TMTC2: variants seen among roughly 807,000 people sequenced by gnomAD.
TMTC2 encodes the protein transmembrane O-mannosyltransferase targeting cadherins 2.
Under a neutral mutation model 82.4 loss-of-function variants are expected in TMTC2, and 43 were observed. That is an observed-to-expected ratio of 0.52 (90% CI 0.41 to 0.67). The LOEUF (loss-of-function observed/expected upper bound fraction) is 0.67, where lower values mean the gene tolerates loss of function less well. Among genes scored for constraint, TMTC2 ranks in the 30% least tolerant of loss-of-function variants. The probability of loss-of-function intolerance (pLI) is 0.00; values close to 1 mark genes in which losing one functional copy is unlikely to be tolerated. For synonymous variants in TMTC2, 408 were observed against 381.9 expected (o/e 1.07, Z -0.80); for missense variants, 919 against 1,012.4 (o/e 0.91, Z 1.25).
Position 82,713,434 on chromosome 12 carries a change from T to C in TMTC2, c.83+25765T>C, listed in dbSNP as rs566628052. 2.3e-3 allele frequency among the ~76,000 whole-genome samples: 353 copies of C among 152,314 alleles called. 4 individuals carry two copies. Among genetic ancestry groups the C allele is most frequent in the African/African-American group, 7.8e-3 (326 of 41,574 alleles). On this transcript the variant is annotated intron_variant, in intron 1 of 11. Transcript: ENST00000321196. Reference sequence around the variant, plus strand: ...TTGCTGATAAAGATGTACCAGAGACTGGGCAATTTACAAAAGAAAGAGTTT... The same window carrying C: ...TTGCTGATAAAGATGTACCAGAGACCGGGCAATTTACAAAAGAAAGAGTTT...
chr12:82,997,277 A>C (rs1259993461), intron 8 of TMTC2, among the ~76,000 whole-genome samples: 1 of 131,722 alleles, frequency 7.6e-6, no homozygotes, highest in African/African-American at 2.8e-5. Flanking sequence ...ATAGGTGTAT[A>C]TAACTTTGCT....
intron 11 of TMTC2, among the ~76,000 whole-genome samples, chr12:83,102,835 T>C (rs1195436602): frequency 6.6e-6 from 1 of 152,232 alleles, no homozygotes; most frequent in Non-Finnish European, 1.5e-5. Flanking sequence ...AGTTCCGTAA[T>C]TGTCATTGAC....
intron 11 of TMTC2, among the ~76,000 whole-genome samples, chr12:83,084,654 AAC>A (rs1883589452): frequency 6.6e-6 from 1 of 152,218 alleles, no homozygotes; most frequent in Non-Finnish European, 1.5e-5. Flanking sequence ...TAAAATTCAA[AAC>A]ATGTTTTCCT....
chr12:82,930,783 C>T (rs138431006), intron 4 of TMTC2, among the ~76,000 whole-genome samples: 1 of 152,084 alleles, frequency 6.6e-6, no homozygotes, highest in Non-Finnish European at 1.5e-5. Flanking sequence ...AAGTAGTATG[C>T]CATGTAACAT....
At chr12:82,714,268 C>G (rs189929054) in intron 1 of TMTC2, among the ~76,000 whole-genome samples, 1 of 152,152 alleles carries the variant, frequency 6.6e-6, no homozygotes, top group East Asian at 1.9e-4. Flanking sequence ...TACTAAAAAT[C>G]GTTGAATTGT....
chr12:83,028,897 A>G (rs1881294958), intron 8 of TMTC2, among the ~76,000 whole-genome samples: 2 of 152,226 alleles, frequency 1.3e-5, no homozygotes, highest in Non-Finnish European at 2.9e-5. Context: ...TGTGGGAAAC[A>G]TTGCAGGGAA....
rs1491236700 is a variant in TMTC2, at chr12:83,018,674, TTC to T, written c.2071-12123_2071-12122del. On this transcript the variant is annotated intron_variant, in intron 8 of 11. Transcript: ENST00000321196. ...AATAAAATTTGCGGGTTTTTTTTTT[TTC>T]CCTTATGAGGAGGAGGTGTTACCAA... is the stretch of plus-strand genomic sequence containing the variant. 2.3e-3 allele frequency among the ~76,000 whole-genome samples: 340 copies of T among 150,668 alleles called. 4 individuals are homozygous for T. Among genetic ancestry groups the T allele is most frequent in the African/African-American group, 8.1e-3 (329 of 40,458 alleles).
At chr12:82,958,326 G>T (rs1233697747) in intron 4 of TMTC2, among the ~76,000 whole-genome samples, 2 of 126,642 alleles carry the variant, frequency 1.6e-5, no homozygotes, top group African/African-American at 6.2e-5. Context: ...CTATACTCCA[G>T]CCTAGGTGAC....
chr12:82,717,260 T>C (rs935988593), intron 1 of TMTC2, among the ~76,000 whole-genome samples: 1 of 151,908 alleles, frequency 6.6e-6, no homozygotes, highest in Non-Finnish European at 1.5e-5. Context: ...GTTTTGCTCT[T>C]GTCGCCCAGG....
At chr12:82,994,375 C>T (rs1484989112) in intron 8 of TMTC2, among the ~76,000 whole-genome samples, 4 of 152,098 alleles carry the variant, frequency 2.6e-5, no homozygotes, top group African/African-American at 9.7e-5. Context: ...AAGTCATCTG[C>T]CCACCTCGGC....
At chr12:82,879,324 T>C (rs7308048) in intron 2 of TMTC2, among the ~76,000 whole-genome samples, 22,253 of 152,214 alleles carry the variant, frequency 0.15, 4,974 homozygotes, top group African/African-American at 0.48. Context: ...AATTTTTCCA[T>C]GGACTGGGTG....
At chr12:83,114,286 CAG>C (rs1884687821) in intron 11 of TMTC2, among the ~76,000 whole-genome samples, 1 of 151,970 alleles carries the variant, frequency 6.6e-6, no homozygotes, top group African/African-American at 2.4e-5. Flanking sequence ...AGAGGAAACA[CAG>C]GGAGTCTTTC....
chr12:83,022,416 C>A (rs1407763450), intron 8 of TMTC2, among the ~76,000 whole-genome samples: 2 of 135,684 alleles, frequency 1.5e-5, no homozygotes, highest in East Asian at 4.7e-4. Flanking sequence ...TTATTTTTCA[C>A]AAAGCACTGA....
intron 1 of TMTC2, among the ~76,000 whole-genome samples, chr12:82,796,518 A>G (rs535512725): frequency 6.6e-6 from 1 of 152,280 alleles, no homozygotes; most frequent in South Asian, 2.1e-4. Context: ...TTTTGGTGAA[A>G]ATAATAAAAA....
chr12:83,088,947 C>T (rs1021541454), intron 11 of TMTC2, among the ~76,000 whole-genome samples: 10 of 152,116 alleles, frequency 6.6e-5, no homozygotes, highest in African/African-American at 2.4e-4. Flanking sequence ...ATGCATGAAT[C>T]CACCCTCCAG....
intron 1 of TMTC2, among the ~76,000 whole-genome samples, chr12:82,711,750 G>A (rs569503898): frequency 6.6e-6 from 1 of 152,342 alleles, no homozygotes; most frequent in East Asian, 1.9e-4. Flanking sequence ...AATGTCTGCA[G>A]CAGATAGAAG....
rs1437468876 is a variant in TMTC2, at chr12:82,852,491, A to G, written c.84-4519A>G. 3.9e-5 allele frequency among the ~76,000 whole-genome samples: 6 copies of G among 152,082 alleles called. No individual in the cohort carries two copies. The East Asian group carries it at 9.7e-4, about 25-fold the overall frequency. On this transcript the variant is annotated intron_variant, in intron 1 of 11. Coordinates refer to ENST00000321196, the MANE Select transcript of TMTC2 (RefSeq NM_152588.3). ...CTGCCAACAATTGTTTTTTTCCCAT[A>G]TCTGCTGCTCTGAGTTCCTCCACCT...
intron 4 of TMTC2, among the ~76,000 whole-genome samples, chr12:82,957,602 G>C (rs1877684401): frequency 6.6e-6 from 1 of 151,716 alleles, no homozygotes; most frequent in Admixed American, 6.6e-5. Context: ...TTTTTTTAAA[G>C]GATAAAGAAG....
At chr12:82,833,775 A>C (rs1213361619) in intron 1 of TMTC2, among the ~76,000 whole-genome samples, 2 of 152,200 alleles carry the variant, frequency 1.3e-5, no homozygotes, top group Non-Finnish European at 2.9e-5. Flanking sequence ...TACATGAATA[A>C]TTGGTTTCCA....
Sources: gnomAD v4.1 joint callset for allele counts (sites outside exome capture counted in the v4.1 genomes callset) on GRCh38, gnomAD v4.1.1 for gene constraint, MANE v1.5 for transcripts, NCBI Gene and HGNC (gene_info 2026-07-23, HGNC 2026-07-21) for gene names.